GCNT1: variants seen among roughly 807,000 people sequenced by gnomAD.
GCNT1 encodes beta-1,3-galactosyl-O-glycosyl-glycoprotein beta-1,6-N-acetylglucosaminyltransferase.
A neutral mutation model predicts 26.2 loss-of-function variants in GCNT1; 16 were observed. The ratio of observed to expected loss-of-function variants is 0.61; its 90% CI spans 0.41 to 0.93. The LOEUF is 0.93. GCNT1 is among the 40% of genes least tolerant of loss of function. The pLI is 0.00. For missense variants in GCNT1, 477 were observed against 526.7 expected (o/e 0.91, Z 0.92); for synonymous variants, 183 against 190.8 (o/e 0.96, Z 0.34).
At chr9:76,447,839 C>T (rs756052864) in intron 1 of GCNT1, among the ~76,000 whole-genome samples, 1 of 152,220 alleles carries the variant, frequency 6.6e-6, no homozygotes, top group African/African-American at 2.4e-5. Context: ...TGTCAGTCCA[C>T]AATCCCTGTG....
chr9:76,413,380 A>G, the GCNT1 span, among the ~76,000 whole-genome samples: 1 of 152,334 alleles, frequency 6.6e-6, no homozygotes, highest in Non-Finnish European at 1.5e-5. Context: ...TGAAAGAAAC[A>G]TTGTAAATAT....
the GCNT1 span, among the ~76,000 whole-genome samples, chr9:76,394,736 GT>G: frequency 2.0e-5 from 3 of 151,770 alleles, no homozygotes; most frequent in South Asian, 2.1e-4. Context: ...AACAATTCTG[GT>G]TTTTTTTTCT....
At chr9:76,490,853 A>G (rs1824715059) in intron 2 of GCNT1, among the ~76,000 whole-genome samples, 1 of 152,188 alleles carries the variant, frequency 6.6e-6, no homozygotes. Context: ...TTTGTATGAT[A>G]ATTAGTTAAG....
At chr9:76,497,571 A>G (rs1333473012) in intron 2 of GCNT1, among the ~76,000 whole-genome samples, 2 of 152,232 alleles carry the variant, frequency 1.3e-5, no homozygotes, top group African/African-American at 4.8e-5. Flanking sequence ...ACGTTGTAAA[A>G]AGCGTTTTTC....
intron 1 of GCNT1, among the ~76,000 whole-genome samples, chr9:76,452,128 C>T (rs1564228310): frequency 6.6e-6 from 1 of 151,942 alleles, no homozygotes; most frequent in Non-Finnish European, 1.5e-5. Flanking sequence ...GCCACCACAT[C>T]CAGCTAATTT....
chr9:76,394,091 T>G, the GCNT1 span: 1 of 1,603,838 alleles, frequency 6.2e-7, no homozygotes, highest in Non-Finnish European at 8.5e-7. Context: ...TGCTCTCACC[T>G]GTGGGGATGC....
intron 2 of GCNT1, among the ~76,000 whole-genome samples, chr9:76,491,303 TCTC>T (rs892689132): frequency 6.6e-6 from 1 of 152,126 alleles, no homozygotes; most frequent in Non-Finnish European, 1.5e-5. Flanking sequence ...ATGCTGCTGT[TCTC>T]CTCTCCTTCC....
intron 1 of GCNT1, among the ~76,000 whole-genome samples, chr9:76,433,659 G>A (rs1008258839): frequency 6.6e-6 from 1 of 152,234 alleles, no homozygotes; most frequent in Non-Finnish European, 1.5e-5. Context: ...GCCAGGCACA[G>A]TTTGGCAGGC....
intron 2 of GCNT1, among the ~76,000 whole-genome samples, chr9:76,481,987 A>G (rs749837886): frequency 2.6e-5 from 4 of 152,200 alleles, no homozygotes; most frequent in Non-Finnish European, 5.9e-5. Flanking sequence ...GTGGGCAGTA[A>G]GCATGCTGTG....
intron 2 of GCNT1, among the ~76,000 whole-genome samples, chr9:76,492,047 C>T (rs973235508): frequency 1.3e-5 from 2 of 152,332 alleles, no homozygotes; most frequent in East Asian, 1.9e-4. Context: ...GTATCAATTT[C>T]CTTACTTAGG....
Position 76,503,689 on chromosome 9 carries a change from A to G in GCNT1, c.*21A>G. ...ACTGACCATTACGGGCAATTTTATG[A>G]ACAAGAAGAAGGATACACAAAACGT... On this transcript the variant is annotated 3_prime_UTR_variant, in exon 4 of 4. Coordinates refer to ENST00000376730, the MANE Select transcript of GCNT1 (RefSeq NM_001490.5). 1 of 1,576,728 alleles carries G rather than the reference A, an allele frequency of 6.3e-7. No homozygotes were observed.
chr9:76,452,549 TGA>T (rs1823688146), intron 1 of GCNT1, among the ~76,000 whole-genome samples: 3 of 152,028 alleles, frequency 2.0e-5, no homozygotes, highest in Non-Finnish European at 2.9e-5. Flanking sequence ...CTTACAATCA[TGA>T]TGCAAGTTGA....
At chr9:76,466,191 C>T (rs1051497030) in intron 2 of GCNT1, among the ~76,000 whole-genome samples, 3 of 152,076 alleles carry the variant, frequency 2.0e-5, no homozygotes, top group African/African-American at 7.2e-5. Context: ...GTTAAGGGTA[C>T]TGAGAAGTGT....
intron 2 of GCNT1, among the ~76,000 whole-genome samples, chr9:76,467,493 T>A (rs1055083056): frequency 6.6e-6 from 1 of 152,078 alleles, no homozygotes; most frequent in East Asian, 1.9e-4. Context: ...GTGGAACTTT[T>A]AAAAAAACCT....
chr9:76,489,587 C>T (rs984084751), intron 2 of GCNT1, among the ~76,000 whole-genome samples: 1 of 152,122 alleles, frequency 6.6e-6, no homozygotes, highest in African/African-American at 2.4e-5. Context: ...TTACACAGTG[C>T]TGATTGGTCT....
Position 76,451,517 on chromosome 9 carries a change from A to G in GCNT1, c.-290+9202A>G, listed in dbSNP as rs1823664540. Among the ~76,000 whole-genome samples the G allele has an allele frequency of 2.0e-5, 3 of 152,130 alleles. No homozygotes were observed. The South Asian group carries it at 6.2e-4, about 31-fold the overall frequency. On this transcript the variant is annotated intron_variant, in intron 1 of 2. Coordinates refer to the GCNT1 transcript ENST00000442371. The stretch of plus-strand genomic sequence containing the variant: ...CAAAACCAGCTGAAGCATCTGTTGA[A>G]AGGTGGTGGCAAAAATCAGTTGTTT...
chr9:76,418,004 A>T (rs1432507648), upstream of GCNT1, among the ~76,000 whole-genome samples: 3 of 152,210 alleles, frequency 2.0e-5, no homozygotes, highest in African/African-American at 7.2e-5. Context: ...CCCTCAGAAG[A>T]CCCTGAGAAC....
chr9:76,461,593 A>G (rs1564231731), intron 2 of GCNT1, among the ~76,000 whole-genome samples: 1 of 149,036 alleles, frequency 6.7e-6, no homozygotes, highest in Non-Finnish European at 1.5e-5. Flanking sequence ...AAAAAAAAAA[A>G]CACACACAAA....
intron 2 of GCNT1, among the ~76,000 whole-genome samples, chr9:76,474,107 GAAAGA>G (rs1222316773): frequency 3.9e-5 from 6 of 152,044 alleles, no homozygotes; most frequent in Non-Finnish European, 7.4e-5. Context: ...CTCAGAAAAA[GAAAGA>G]AAAGAAAAGA....
Sources: allele counts gnomAD v4.1 joint callset (sites outside exome capture counted in the v4.1 genomes callset), GRCh38; gene constraint gnomAD v4.1.1; transcripts MANE v1.5; gene names NCBI Gene and HGNC (gene_info 2026-07-23, HGNC 2026-07-21).